The following TRAF3IP1 variants were observed in gnomAD, a reference collection of about 807,000 sequenced individuals.
TRAF3IP1 encodes the protein intraflagellar transport 54.
A neutral mutation model predicts 89.9 loss-of-function variants in TRAF3IP1; 53 were observed. The ratio of observed to expected loss-of-function variants is 0.59; its 90% CI spans 0.47 to 0.74. The LOEUF (loss-of-function observed/expected upper bound fraction) is 0.74, where lower values mean the gene tolerates loss of function less well. TRAF3IP1 is among the 30% of genes least tolerant of loss of function. The pLI is 0.00. For missense variants in TRAF3IP1, 806 were observed against 866.1 expected, an observed-to-expected ratio of 0.93 and a Z score of 0.87; for synonymous variants, 311 against 322.1, an observed-to-expected ratio of 0.97 and a Z score of 0.37.
At chr2:238,385,956 G>A (rs539990936) in intron 15 of TRAF3IP1, among the ~76,000 whole-genome samples, 7 of 152,274 alleles carry the variant, frequency 4.6e-5, no homozygotes, top group South Asian at 2.1e-4. Context: ...TTCCCTTGTC[G>A]AAGTCAAATA....
intron 9 of TRAF3IP1, 43 bp downstream of exon 9, chr2:238,344,641 T>C (rs1698809543): frequency 6.4e-7 from 1 of 1,556,666 alleles, no homozygotes. Flanking sequence ...GAGAGCAGAG[T>C]GAGCCCTCCA....
At chr2:238,332,130 A>G (rs1003677677) in intron 5 of TRAF3IP1, among the ~76,000 whole-genome samples, 3 of 152,192 alleles carry the variant, frequency 2.0e-5, no homozygotes, top group African/African-American at 7.2e-5. Context: ...TGCTGATACA[A>G]TCTGATACCT....
At chr2:238,335,604 T>C (rs2106373419) in intron 7 of TRAF3IP1, among the ~76,000 whole-genome samples, 1 of 152,306 alleles carries the variant, frequency 6.6e-6, no homozygotes, top group Non-Finnish European at 1.5e-5. Context: ...CGTCTCAGAA[T>C]TTAACTGGAC....
At chr2:238,360,844 C>T (rs1699625835) in intron 15 of TRAF3IP1, among the ~76,000 whole-genome samples, 1 of 151,858 alleles carries the variant, frequency 6.6e-6, no homozygotes. Flanking sequence ...TGCGCCACTG[C>T]ACTCCAGCCT....
At chr2:238,357,419 A>G (rs949429857) in intron 15 of TRAF3IP1, among the ~76,000 whole-genome samples, 5 of 152,226 alleles carry the variant, frequency 3.3e-5, no homozygotes, top group Non-Finnish European at 5.9e-5. Flanking sequence ...ACACATGCAC[A>G]CATATATGTA....
chr2:238,375,005 T>G (rs1700257342), intron 15 of TRAF3IP1, among the ~76,000 whole-genome samples: 1 of 152,202 alleles, frequency 6.6e-6, no homozygotes, highest in Non-Finnish European at 1.5e-5. Flanking sequence ...TTGCATCTAT[T>G]TGATTCTTCT....
chr2:238,349,953 C>T (rs553795793), intron 12 of TRAF3IP1, among the ~76,000 whole-genome samples: 3 of 152,212 alleles, frequency 2.0e-5, no homozygotes, highest in African/African-American at 7.2e-5. Context: ...TGCCTGTAGT[C>T]CCAGCTACTC....
At chr2:238,333,761 T>A (rs964714072) in intron 6 of TRAF3IP1, among the ~76,000 whole-genome samples, 199 bp from the exon 7 acceptor site, 1 of 152,138 alleles carries the variant, frequency 6.6e-6, no homozygotes, top group African/African-American at 2.4e-5. Context: ...CTAAATATAG[T>A]GTGAAAAGGG....
intron 1 of TRAF3IP1, among the ~76,000 whole-genome samples, chr2:238,325,098 C>T (rs1697755048): frequency 6.6e-6 from 1 of 152,200 alleles, no homozygotes; most frequent in South Asian, 2.1e-4. Context: ...ACCTGTCTGT[C>T]CACACAGCCA....
chr2:238,338,458 G>A lies in TRAF3IP1; in HGVS notation c.1159+1G>A, dbSNP rs905244464. The A allele has an allele frequency of 6.5e-7, 1 of 1,531,812 alleles. No individual in the cohort carries two copies. Among genetic ancestry groups the A allele is most frequent in the Non-Finnish European group, 8.9e-7 (1 of 1,119,302 alleles). 94.9% of individuals were successfully genotyped at this position (1,531,812 alleles called of 1,614,324 possible). On this transcript the variant is annotated splice_donor_variant, in intron 8 of 16. Coordinates refer to ENST00000373327, the MANE Select transcript of TRAF3IP1 (RefSeq NM_015650.4). LOFTEE classifies it high-confidence loss of function. ...CAGGAAACGACAACATCAGAAATAG[G>A]TAAGAAAAATATATTCTTTAGTTTA... is the stretch of plus-strand genomic sequence containing the variant.
intron 8 of TRAF3IP1, among the ~76,000 whole-genome samples, chr2:238,343,706 G>A (rs972416234): frequency 1.4e-5 from 2 of 146,154 alleles, no homozygotes; most frequent in Non-Finnish European, 3.0e-5. Context: ...GGGCTGGAGT[G>A]CAGTGGCGTG....
intron 15 of TRAF3IP1, among the ~76,000 whole-genome samples, chr2:238,358,343 C>G (rs964046229): frequency 2.0e-5 from 3 of 152,176 alleles, no homozygotes; most frequent in Non-Finnish European, 4.4e-5. Flanking sequence ...TTGAGATCAT[C>G]CTGGCCAACA....
At chr2:238,384,684 G>A (rs984067387) in intron 15 of TRAF3IP1, among the ~76,000 whole-genome samples, 1 of 151,480 alleles carries the variant, frequency 6.6e-6, no homozygotes, top group Non-Finnish European at 1.5e-5. Flanking sequence ...CGCCTGGCCT[G>A]ATGTCCTTTA....
Position 238,325,331 on chromosome 2 carries a change from A to G in TRAF3IP1, c.149A>G (p.Lys50Arg), listed in dbSNP as rs1185160857. 1 of 1,614,116 alleles carries G rather than the reference A, an allele frequency of 6.2e-7. No individual in the cohort carries two copies. The highest frequency in any genetic ancestry group is 1.1e-5 in the South Asian group (1 of 91,068). Reference sequence around the variant, plus strand: ...GTGATTAGAATGACTGGTTTCATGAAGGGCCTCTACACAGACGCCGAGATG... The same window carrying G: ...GTGATTAGAATGACTGGTTTCATGAGGGGCCTCTACACAGACGCCGAGATG... ...TEVIRMTGFMKGLYTDAEMKS... is the reference protein window; with the variant it reads ...TEVIRMTGFMRGLYTDAEMKS... Residue 50 changes from lysine to arginine, a missense_variant, in exon 2 of 17, where the codon AAG becomes AGG. Around this residue, in one of 3 missense-constraint regions of TRAF3IP1, gnomAD observed 732 missense variants for 780.5 expected, o/e 0.94. Coordinates refer to ENST00000373327, the MANE Select transcript of TRAF3IP1 (RefSeq NM_015650.4).
rs1231285969 is a variant in TRAF3IP1 at position 238,351,208 on chromosome 2, C to G, written c.1452-1619C>G. On this transcript the variant is annotated intron_variant, in intron 12 of 16. Coordinates refer to ENST00000373327, the MANE Select transcript of TRAF3IP1 (RefSeq NM_015650.4). The surrounding 1 kb of genome is among the most constrained non-coding windows in gnomAD (Gnocchi z 5.2). ...ATCATCCCAGCAGGGTTCAGGGACC[C>G]AAGGCCAGGATTTTGGAAGGATCAT... Among the ~76,000 whole-genome samples the G allele has an allele frequency of 2.0e-5, 3 of 151,986 alleles. No individual in the cohort carries two copies. Among genetic ancestry groups the G allele is most frequent in the Non-Finnish European group, 4.4e-5 (3 of 67,992 alleles).
rs937472106 is a variant in TRAF3IP1, at chr2:238,379,122, C to T, written c.1690-18337C>T. Among the ~76,000 whole-genome samples, 10 of 152,276 alleles carry T rather than the reference C, an allele frequency of 6.6e-5. No homozygotes were observed. The highest frequency in any genetic ancestry group is 2.1e-4 in the South Asian group (1 of 4,820). On this transcript the variant is annotated intron_variant, in intron 15 of 16. Coordinates refer to ENST00000373327, the MANE Select transcript of TRAF3IP1 (RefSeq NM_015650.4). This position sits in a 1 kb window ranked among gnomAD's most constrained non-coding sequence, Gnocchi z 4.0. ...GTTTCCTGTCGACTCACTCTTTGGT[C>T]GTCTGTGTGTCACTGGGGGCCTGTT... is the stretch of plus-strand genomic sequence containing the variant.
intron 8 of TRAF3IP1, among the ~76,000 whole-genome samples, chr2:238,343,867 C>T (rs1010988741): frequency 4.0e-5 from 6 of 151,558 alleles, no homozygotes; most frequent in African/African-American, 1.5e-4. Flanking sequence ...CTCTGTGTTA[C>T]CTAGGTTGTC....
chr2:238,372,168 A>C (rs1417482789), intron 15 of TRAF3IP1, among the ~76,000 whole-genome samples: 1 of 152,128 alleles, frequency 6.6e-6, no homozygotes, highest in Non-Finnish European at 1.5e-5. Flanking sequence ...TCTAGGGTAC[A>C]TGTGCACAAT....
chr2:238,327,697 T>C (rs1451699214), intron 3 of TRAF3IP1, among the ~76,000 whole-genome samples: 4 of 152,104 alleles, frequency 2.6e-5, no homozygotes, highest in Admixed American at 2.6e-4. Flanking sequence ...AGGACTCTTC[T>C]CCTTGCAAAA....
Sources: allele counts gnomAD v4.1 joint callset (sites outside exome capture counted in the v4.1 genomes callset), GRCh38; gene constraint gnomAD v4.1.1; regional missense constraint gnomAD v4.1.1; non-coding constraint Gnocchi (gnomAD v3.1); transcripts MANE v1.5; gene names NCBI Gene and HGNC (gene_info 2026-07-23, HGNC 2026-07-21).